CBR1: variants seen among roughly 807,000 people sequenced by gnomAD.
CBR1 encodes the protein carbonyl reductase 1.
A neutral mutation model predicts 10.6 loss-of-function variants in CBR1; 11 were observed. The ratio of observed to expected loss-of-function variants is 1.03; its 90% CI spans 0.65 to 1.71. The LOEUF is 1.71. CBR1 is among the 40% of genes most tolerant of loss of function. The pLI is 0.00. For synonymous variants in CBR1, 158 were observed against 156.7 expected (o/e 1.01, Z -0.06); for missense variants, 361 against 368.6 (o/e 0.98, Z 0.17).
intron 1 of CBR1, chr21:36,070,606 C>A: frequency 1.7e-6 from 1 of 574,390 alleles, no homozygotes; most frequent in South Asian, 2.7e-5. Context: ...GGATCTTTTT[C>A]AGGTTTTCTG....
At position 36,072,996 on chromosome 21, in the gene CBR1, T is replaced by C; in HGVS notation, c.*114T>C. 1 of 696,244 alleles carries C rather than the reference T, an allele frequency of 1.4e-6. No individual in the cohort carries two copies. The highest frequency in any genetic ancestry group is 2.3e-6 in the Non-Finnish European group (1 of 428,586). The allele number at this position is 696,244 out of a possible 1,614,324, so 43.1% of individuals were successfully genotyped here. The stretch of plus-strand genomic sequence containing the variant: ...ATATAAGAAAAAAAATGATCTCTTA[T>C]CAATTAGCACTCACTAATGTACTAC... On this transcript the variant is annotated 3_prime_UTR_variant, in exon 3 of 3. Transcript: ENST00000290349.
Position 36,070,148 on chromosome 21 carries a change from T to A in CBR1, c.33T>A (p.Thr11=). The A allele has an allele frequency of 6.4e-7, 1 of 1,570,122 alleles. No homozygotes were observed. The highest frequency in any genetic ancestry group is 2.3e-5 in the East Asian group (1 of 44,194). Residue 11 remains threonine, a synonymous_variant, in exon 1 of 3, where the codon ACT becomes ACA. Coordinates refer to ENST00000290349, the MANE Select transcript of CBR1 (RefSeq NM_001757.4). ...CCGGCATCCATGTAGCGCTGGTGAC[T>A]GGAGGCAACAAGGGCATCGGCTTGG... The part of the protein sequence containing the change: MSSGIHVALV[T]GGNKGIGLAI...
chr21:36,071,019 A>G lies in CBR1; in HGVS notation c.359A>G (p.Asp120Gly), dbSNP rs2065348454. 6.2e-7 allele frequency: 1 copy of G among 1,613,544 alleles called. No homozygotes were observed. The highest frequency in any genetic ancestry group is 8.5e-7 in the Non-Finnish European group (1 of 1,179,704). The part of the protein sequence containing the change: ...TMKTNFFGTR[D>G]VCTELLPLIK... ...AAAACAAATTTCTTTGGTACCCGAG[A>G]TGTGTGCACAGAATTACTCCCTCTA... The change falls in exon 2 of 3, where the codon GAT (aspartate) becomes GGT (glycine). Residue 120 changes from aspartate to glycine, a missense_variant. Coordinates refer to ENST00000290349, the MANE Select transcript of CBR1 (RefSeq NM_001757.4).
At chr21:36,072,402 A>ATTG (rs2065358446) in intron 2 of CBR1, 44 bp from the exon 3 acceptor site, 4 of 1,613,982 alleles carry the variant, frequency 2.5e-6, no homozygotes, top group Non-Finnish European at 3.4e-6. Flanking sequence ...TCTCTACGGG[A>ATTG]TTGTTGCACA....
At position 36,070,587 on chromosome 21, in the gene CBR1, G is replaced by T; in HGVS notation, c.289+183G>T. The T allele has an allele frequency of 8.2e-6, 5 of 609,620 alleles. No homozygotes were observed. The South Asian group carries it at 1.3e-4, about 16-fold the overall frequency. 37.8% of individuals were successfully genotyped at this position (609,620 alleles called of 1,614,324 possible). A position where few individuals can be genotyped will look rare whatever the true frequency, so the allele number is the denominator to read the frequency against. On this transcript the variant is annotated intron_variant, in intron 1 of 2. Transcript: ENST00000290349. Reference sequence around the variant, plus strand: ...GGGAACTTTGTGTTTCCCTGGCTGGGACTCTTGGGGATCTTTTTCAGGTTT... The same window carrying T: ...GGGAACTTTGTGTTTCCCTGGCTGGTACTCTTGGGGATCTTTTTCAGGTTT...
chr21:36,071,722 C>T, intron 2 of CBR1: 1 of 798,412 alleles, frequency 1.3e-6, no homozygotes, highest in Non-Finnish European at 2.0e-6. Context: ...CTCATTGCAG[C>T]TCTACAGCAG....
intron 2 of CBR1, chr21:36,071,782 G>C (rs1246562547): frequency 1.4e-6 from 2 of 1,458,870 alleles, no homozygotes; most frequent in Non-Finnish European, 1.9e-6. Context: ...AGGCACCTCT[G>C]GTCTTGAGTC....
chr21:36,070,535 G>C, intron 1 of CBR1, 131 bp downstream of exon 1: 2 of 903,954 alleles, frequency 2.2e-6, no homozygotes, highest in Non-Finnish European at 3.2e-6. Context: ...CAGAAACCTT[G>C]GAGAAAGTGA....
Position 36,070,034 on chromosome 21 carries a change from A to T in CBR1, c.-82A>T, listed in dbSNP as rs1172039149. On this transcript the variant is annotated 5_prime_UTR_variant, in exon 1 of 3. Transcript: ENST00000290349. ...GCGCCCACGACCGCCAGACTCGAGCAGTCTCTGGAACACGCTGCGGGGCTC... is the reference window on the plus strand; with the variant it reads ...GCGCCCACGACCGCCAGACTCGAGCTGTCTCTGGAACACGCTGCGGGGCTC... 1 of 1,386,316 alleles carries T rather than the reference A, an allele frequency of 7.2e-7. No homozygotes were observed. The highest frequency in any genetic ancestry group is 1.5e-5 in the African/African-American group (1 of 65,880). 85.9% of individuals were successfully genotyped at this position (1,386,316 alleles called of 1,614,324 possible).
intron 1 of CBR1, 84 bp from the exon 2 acceptor site, chr21:36,070,866 T>G (rs2239859): frequency 0.12 from 49,281 of 428,024 alleles, 710 homozygotes; most frequent in South Asian, 0.18. Flanking sequence ...TTTTTTTTTT[T>G]TTTTTTTTTT....
chr21:36,072,035 T>G lies in CBR1; in HGVS notation c.398-411T>G, dbSNP rs1601323133. 8.0e-6 allele frequency: 12 copies of G among 1,504,152 alleles called. No individual in the cohort carries two copies. The East Asian group carries it at 2.7e-4, about 34-fold the overall frequency. 93.2% of individuals were successfully genotyped at this position (1,504,152 alleles called of 1,614,324 possible). ...TTACCCTAAGTAATGGGACAGGAGA[T>G]GAACCCACCCATTAAATAACACAGC... On this transcript the variant is annotated intron_variant, in intron 2 of 2. Coordinates refer to ENST00000290349, the MANE Select transcript of CBR1 (RefSeq NM_001757.4).
intron 1 of CBR1, 112 bp downstream of exon 1, chr21:36,070,516 C>A (rs1474446089): frequency 2.8e-6 from 3 of 1,062,456 alleles, no homozygotes; most frequent in Non-Finnish European, 3.9e-6. Flanking sequence ...CTAGGAGATG[C>A]AGGGAGTGCA....
chr21:36,071,721 G>T lies in CBR1; in HGVS notation c.397+664G>T, dbSNP rs147149788. The T allele has an allele frequency of 7.8e-5, 62 of 790,486 alleles. No homozygotes were observed. The African/African-American group carries it at 9.2e-4, about 12-fold the overall frequency. The allele number at this position is 790,486 out of a possible 1,614,324, so 49.0% of individuals were successfully genotyped here. A position where few individuals can be genotyped will look rare whatever the true frequency, so the allele number is the denominator to read the frequency against. On this transcript the variant is annotated intron_variant, in intron 2 of 2. Transcript: ENST00000290349. Reference sequence around the variant, plus strand: ...TTCCTCCTGAATCCGTCTCATTGCAGCTCTACAGCAGGCCCTCACCTGTCC... The same window carrying T: ...TTCCTCCTGAATCCGTCTCATTGCATCTCTACAGCAGGCCCTCACCTGTCC...
chr21:36,072,879 G>A lies in CBR1; in HGVS notation c.831G>A (p.Trp277Ter). ...TTTCAGAGAAGAGAGTTGAACAGTGGTGAGCTGGGCTCACAGCTCCATCCA... is the reference window on the plus strand; with the variant it reads ...TTTCAGAGAAGAGAGTTGAACAGTGATGAGCTGGGCTCACAGCTCCATCCA... ...QFVSEKRVEQ[W>*] is the part of the protein sequence containing the mutation. Residue 277 changes from tryptophan (W) to a stop codon, truncating the protein, a stop_gained, in exon 3 of 3, where the codon TGG becomes TGA. Transcript: ENST00000290349. LOFTEE classifies it high-confidence loss of function. The A allele has an allele frequency of 6.2e-7, 1 of 1,608,152 alleles. No homozygotes were observed. Among genetic ancestry groups the A allele is most frequent in the Non-Finnish European group, 8.5e-7 (1 of 1,176,394 alleles).
intron 1 of CBR1, 98 bp downstream of exon 1, chr21:36,070,502 G>A (rs2065343921): frequency 8.1e-7 from 1 of 1,238,130 alleles, no homozygotes; most frequent in Non-Finnish European, 1.1e-6. Flanking sequence ...AGGAGAGGGA[G>A]GAGCTAGGAG....
rs1239723753 is a variant in CBR1, at chr21:36,070,867, T to G, written c.290-83T>G. On this transcript the variant is annotated intron_variant, in intron 1 of 2. Coordinates refer to ENST00000290349, the MANE Select transcript of CBR1 (RefSeq NM_001757.4). ...GAGGGCACTAAGTTTTTTTTTTTTTTTTTTTTTTTTTTTAGTATCATTGTA... is the reference window on the plus strand; with the variant it reads ...GAGGGCACTAAGTTTTTTTTTTTTTGTTTTTTTTTTTTTAGTATCATTGTA... 2.2e-3 allele frequency: 1,709 copies of G among 771,870 alleles called. 42 individuals are homozygous for G. The highest frequency in any genetic ancestry group is 5.0e-3 in the South Asian group (245 of 48,518). 47.8% of individuals were successfully genotyped at this position (771,870 alleles called of 1,614,324 possible).
At chr21:36,071,981 A>T in intron 2 of CBR1, 1 of 1,535,276 alleles carries the variant, frequency 6.5e-7, no homozygotes, top group Non-Finnish European at 8.7e-7. Flanking sequence ...TGACTATCAC[A>T]TGTCTTTGGT....
chr21:36,071,388 T>C (rs1032078254), intron 2 of CBR1: 3 of 600,222 alleles, frequency 5.0e-6, no homozygotes, highest in Non-Finnish European at 8.9e-6. Context: ...GTACCCTTTC[T>C]CTGCTCTTTC....
rs778704295 is a variant in CBR1 at position 36,070,275 on chromosome 21, G to A, written c.160G>A (p.Gly54Ser). The A allele has an allele frequency of 3.7e-6, 6 of 1,612,244 alleles. No individual in the cohort carries two copies. Among genetic ancestry groups the A allele is most frequent in the African/African-American group, 1.3e-5 (1 of 74,936 alleles). Residue 54 changes from glycine to serine, a missense_variant, in exon 1 of 3, where the codon GGC becomes AGC. Gly to Ser is a moderately conservative substitution (Grantham distance 56). Coordinates refer to ENST00000290349, the MANE Select transcript of CBR1 (RefSeq NM_001757.4). ...QAAVQQLQAE[G>S]LSPRFHQLDI... is the part of the protein sequence containing the mutation. ...GGCCGTACAGCAGCTGCAGGCGGAG[G>A]GCCTGAGCCCGCGCTTCCACCAGCT...
Sources: allele counts gnomAD v4.1 joint callset, GRCh38; gene constraint gnomAD v4.1.1; transcripts MANE v1.5; gene names NCBI Gene and HGNC (gene_info 2026-07-23, HGNC 2026-07-21).